The following ANKRD13C variants were observed in gnomAD, a reference collection of about 807,000 sequenced individuals.
The protein encoded by ANKRD13C is ankyrin repeat domain-containing protein 13C.
In ANKRD13C, 16 loss-of-function variants were observed where a neutral mutation model predicts 65.5. The ratio of observed to expected loss-of-function variants is 0.24; its 90% CI spans 0.17 to 0.37. The LOEUF (loss-of-function observed/expected upper bound fraction) is 0.37, where lower values mean the gene tolerates loss of function less well. Among genes scored for constraint, ANKRD13C ranks in the 10% least tolerant of loss-of-function variants. The pLI is 1.00. For missense variants in ANKRD13C, 503 were observed against 655.9 expected, an observed-to-expected ratio of 0.77 and a Z score of 2.55; for synonymous variants, 235 against 238.7, an observed-to-expected ratio of 0.98 and a Z score of 0.14.
At chr1:70,344,295 C>CAAAAAAAAAAAAAA (rs1169730172) in intron 1 of ANKRD13C, among the ~76,000 whole-genome samples, 1 of 85,652 alleles carries the variant, frequency 1.2e-5, no homozygotes, top group Non-Finnish European at 2.4e-5. Context: ...GATTCCATCT[C>CAAAAAAAAAAAAAA]AAAAAAAAAA....
At chr1:70,302,468 TGTAA>T (rs1161723335) in intron 6 of ANKRD13C, among the ~76,000 whole-genome samples, 3 of 146,546 alleles carry the variant, frequency 2.0e-5, no homozygotes, top group Non-Finnish European at 4.5e-5. Flanking sequence ...GGCTCACGCC[TGTAA>T]TCCCAGCACT....
chr1:70,331,614 G>C (rs1003486541), intron 2 of ANKRD13C, among the ~76,000 whole-genome samples: 4 of 151,862 alleles, frequency 2.6e-5, no homozygotes, highest in Non-Finnish European at 5.9e-5. Context: ...GGCTGAGGTG[G>C]GTAAATCACC....
chr1:70,274,160 C>A (rs1292685923), intron 11 of ANKRD13C, among the ~76,000 whole-genome samples: 3 of 151,744 alleles, frequency 2.0e-5, no homozygotes, highest in African/African-American at 7.3e-5. Flanking sequence ...CATGTATTCA[C>A]GTATTACTTT....
At chr1:70,297,368 A>G (rs1410640573) in intron 7 of ANKRD13C, among the ~76,000 whole-genome samples, 12 of 137,390 alleles carry the variant, frequency 8.7e-5, no homozygotes. Context: ...ATCTCAGCTC[A>G]CTGCAAGCTC....
intron 5 of ANKRD13C, among the ~76,000 whole-genome samples, chr1:70,312,778 A>G (rs1013258308): frequency 6.6e-6 from 1 of 152,154 alleles, no homozygotes; most frequent in African/African-American, 2.4e-5. Flanking sequence ...AACAAAATTT[A>G]GTTGTTTAGT....
chr1:70,274,436 T>G (rs560803242), intron 11 of ANKRD13C, among the ~76,000 whole-genome samples: 47 of 129,372 alleles, frequency 3.6e-4, no homozygotes, highest in African/African-American at 1.4e-3. Flanking sequence ...ATCGCGCCAC[T>G]GCACTCCAGC....
chr1:70,275,853 C>A (rs555888439), intron 10 of ANKRD13C, among the ~76,000 whole-genome samples: 4 of 149,856 alleles, frequency 2.7e-5, no homozygotes, highest in South Asian at 2.1e-4. Context: ...CCCAGCCACT[C>A]GAGAGGCTGA....
chr1:70,344,158 T>A lies in ANKRD13C; in HGVS notation c.431-8059A>T, dbSNP rs551784188. 4.0e-5 allele frequency among the ~76,000 whole-genome samples: 6 copies of A among 151,538 alleles called. No homozygotes were observed. In the East Asian group the frequency reaches 9.7e-4, roughly 25 times the overall value. On this transcript the variant is annotated intron_variant, in intron 1 of 12. Coordinates refer to ENST00000370944, the MANE Select transcript of ANKRD13C (RefSeq NM_030816.5). ...ACTAAAAATACAAAAATCAGCCAGG[T>A]GTGGTGGCAGGCGCCTGTAGTCCCA...
In ANKRD13C at chr1:70,319,607, C is replaced by CAAAAAAAAAAAAAAAAAA. The variant is rs1180827448; in HGVS notation, c.578-4042_578-4041insTTTTTTTTTTTTTTTTTT. ...GAGCAACAAGAGGGAAACTCCATCT[C>CAAAAAAAAAAAAAAAAAA]AAAAAAAAAAAGAAACCAAATACAT... is the stretch of plus-strand genomic sequence containing the variant. On this transcript the variant is annotated intron_variant, in intron 3 of 12. Coordinates refer to ENST00000370944, the MANE Select transcript of ANKRD13C (RefSeq NM_030816.5). 4.1e-4 allele frequency among the ~76,000 whole-genome samples: 50 copies of CAAAAAAAAAAAAAAAAAA among 121,092 alleles called. 1 individual carries two copies. Among genetic ancestry groups the CAAAAAAAAAAAAAAAAAA allele is most frequent in the African/African-American group, 1.4e-3 (45 of 31,124 alleles). The allele number at this position is 121,092 out of a possible 152,430, so 79.4% of individuals were successfully genotyped here.
chr1:70,293,180 A>T (rs1679932964), intron 8 of ANKRD13C, among the ~76,000 whole-genome samples: 1 of 152,136 alleles, frequency 6.6e-6, no homozygotes, highest in Non-Finnish European at 1.5e-5. Context: ...AAAGGACATC[A>T]AAAAAAGTCA....
intron 1 of ANKRD13C, among the ~76,000 whole-genome samples, 199 bp downstream of exon 1, chr1:70,353,780 A>C (rs1557429771): frequency 6.6e-6 from 1 of 152,172 alleles, no homozygotes; most frequent in South Asian, 2.1e-4. Flanking sequence ...GGCAAGGAGG[A>C]TACATTCCTT....
At chr1:70,285,328 G>C (rs1374287479) in intron 9 of ANKRD13C, among the ~76,000 whole-genome samples, 1 of 150,992 alleles carries the variant, frequency 6.6e-6, no homozygotes, top group African/African-American at 2.4e-5. Flanking sequence ...GAGTAGCTGG[G>C]ATTACAGGCA....
intron 1 of ANKRD13C, among the ~76,000 whole-genome samples, chr1:70,348,283 A>T (rs1020079350): frequency 1.4e-5 from 2 of 146,490 alleles, no homozygotes; most frequent in Non-Finnish European, 3.0e-5. Context: ...TCAAATGCAC[A>T]TTTTTTTTTT....
In ANKRD13C at chr1:70,260,316, C is replaced by A. The variant is rs529890821; in HGVS notation, c.*2401G>T. Among the ~76,000 whole-genome samples, 41 of 152,248 alleles carry A rather than the reference C, an allele frequency of 2.7e-4. No homozygotes were observed. Among genetic ancestry groups the A allele is most frequent in the African/African-American group, 9.6e-4 (40 of 41,562 alleles). On this transcript the variant is annotated 3_prime_UTR_variant, in exon 13 of 13. Coordinates refer to ENST00000370944, the MANE Select transcript of ANKRD13C (RefSeq NM_030816.5). ...AGAATTATTTTCTCAAAGATGGAAA[C>A]CATATCTTCTCTGGATACCATACCA...
chr1:70,335,381 G>A (rs1332943559), intron 2 of ANKRD13C, among the ~76,000 whole-genome samples: 1 of 151,120 alleles, frequency 6.6e-6, no homozygotes, highest in African/African-American at 2.4e-5. Flanking sequence ...ACTCCAGCCT[G>A]GGCAATAGAG....
chr1:70,295,214 C>T (rs1385842032), intron 8 of ANKRD13C, among the ~76,000 whole-genome samples: 6 of 151,938 alleles, frequency 3.9e-5, no homozygotes, highest in African/African-American at 1.4e-4. Context: ...CATGCTTCTT[C>T]ATACAGCTCA....
At chr1:70,316,706 T>C (rs1365215359) in intron 3 of ANKRD13C, among the ~76,000 whole-genome samples, 2 of 152,048 alleles carry the variant, frequency 1.3e-5, no homozygotes, top group East Asian at 3.8e-4. Context: ...ATACAATTTT[T>C]ATCTATTAGA....
At chr1:70,279,348 C>A (rs1380957114) in intron 9 of ANKRD13C, among the ~76,000 whole-genome samples, 3 of 152,118 alleles carry the variant, frequency 2.0e-5, no homozygotes, top group Non-Finnish European at 4.4e-5. Context: ...AGCCCAGTGA[C>A]AGCACCAGAG....
chr1:70,277,239 C>A (rs527783238), intron 9 of ANKRD13C, among the ~76,000 whole-genome samples: 1 of 152,066 alleles, frequency 6.6e-6, no homozygotes, highest in African/African-American at 2.4e-5. Flanking sequence ...GGGTGGATCA[C>A]GAGGTCAGGA....
Sources: gnomAD v4.1 joint callset for allele counts (sites outside exome capture counted in the v4.1 genomes callset) on GRCh38, gnomAD v4.1.1 for gene constraint, MANE v1.5 for transcripts, NCBI Gene and HGNC (gene_info 2026-07-23, HGNC 2026-07-21) for gene names.